The following IQSEC3 variants were observed in gnomAD, a reference collection of about 807,000 sequenced individuals.
IQSEC3 encodes IQ motif and Sec7 domain ArfGEF 3, also known as IQ motif and SEC7 domain-containing protein 3.
In IQSEC3, 50 loss-of-function variants were observed where a neutral mutation model predicts 105.4. That is an observed-to-expected ratio of 0.47 (90% CI 0.38 to 0.60). The LOEUF (loss-of-function observed/expected upper bound fraction) is 0.60, where lower values mean the gene tolerates loss of function less well. Ranked by LOEUF, IQSEC3 falls within the 20% of genes least tolerant of loss-of-function variation. The probability of loss-of-function intolerance (pLI) is 0.00; values close to 1 mark genes in which losing one functional copy is unlikely to be tolerated. For synonymous variants in IQSEC3, 708 were observed against 746.0 expected (o/e 0.95, Z 0.83); for missense variants, 1,415 against 1,630.0 (o/e 0.87, Z 2.27).
rs532553307 is a variant in IQSEC3 at position 112,567 on chromosome 12, G to A, written c.624-13066G>A. 2.0e-5 allele frequency among the ~76,000 whole-genome samples: 3 copies of A among 152,294 alleles called. No homozygotes were observed. In the East Asian group the frequency reaches 5.8e-4, roughly 29 times the overall value. ...AGCACCTGGGCTTCCAGAAGAAGCTGGTGCTTCCACCACACTGACCTAGAC... is the reference window on the plus strand; with the variant it reads ...AGCACCTGGGCTTCCAGAAGAAGCTAGTGCTTCCACCACACTGACCTAGAC... On this transcript the variant is annotated intron_variant, in intron 2 of 13. Coordinates refer to ENST00000538872, the MANE Select transcript of IQSEC3 (RefSeq NM_001170738.2).
intron 5 of IQSEC3, among the ~76,000 whole-genome samples, chr12:146,204 G>A (rs891629929): frequency 2.0e-5 from 3 of 152,214 alleles, no homozygotes; most frequent in Non-Finnish European, 4.4e-5. Flanking sequence ...GAAATCATTT[G>A]AGAATGTCCT....
intron 8 of IQSEC3, among the ~76,000 whole-genome samples, chr12:163,171 C>G (rs1866982725): frequency 1.4e-5 from 2 of 144,928 alleles, no homozygotes. Context: ...AACCGAACCC[C>G]TCCCCTCTCC....
At chr12:107,409 T>TTC (rs1555078210) in intron 2 of IQSEC3, among the ~76,000 whole-genome samples, 1 of 132,244 alleles carries the variant, frequency 7.6e-6, no homozygotes, top group African/African-American at 3.0e-5. Context: ...TTTCTTTTTT[T>TTC]TTTTTTTTTT....
At chr12:168,989 C>T in intron 11 of IQSEC3, 24 bp from the exon 12 acceptor site, 6 of 1,605,348 alleles carry the variant, frequency 3.7e-6, no homozygotes, top group Non-Finnish European at 5.1e-6. Context: ...GTTTCTCTTG[C>T]TCACGGGCCT....
At chr12:70,513 G>T (rs1304020965) in intron 1 of IQSEC3, among the ~76,000 whole-genome samples, 5 of 152,258 alleles carry the variant, frequency 3.3e-5, no homozygotes, top group African/African-American at 1.2e-4. Context: ...CACTGCTTTT[G>T]CCTCTTAATG....
intron 12 of IQSEC3, 145 bp downstream of exon 12, chr12:169,250 T>A: frequency 1.5e-6 from 1 of 650,608 alleles, no homozygotes; most frequent in Non-Finnish European, 2.7e-6. Flanking sequence ...TTGCCTTCTT[T>A]AATCTCATGA....
chr12:172,376 C>T (rs1261194233), intron 13 of IQSEC3, among the ~76,000 whole-genome samples: 1 of 152,106 alleles, frequency 6.6e-6, no homozygotes, highest in African/African-American at 2.4e-5. Flanking sequence ...TTGAGCCTTG[C>T]AGATAAGCAC....
intron 5 of IQSEC3, chr12:143,843 G>GTGTA: frequency 6.3e-6 from 1 of 158,662 alleles, no homozygotes; most frequent in Non-Finnish European, 1.4e-5. Context: ...GTGTGTGTGT[G>GTGTA]TGTGTGTGTG....
chr12:118,997 C>G (rs1303225077), intron 2 of IQSEC3, among the ~76,000 whole-genome samples: 1 of 152,228 alleles, frequency 6.6e-6, no homozygotes, highest in Non-Finnish European at 1.5e-5. Context: ...GTTGTACTTC[C>G]CACCGTGGTG....
In IQSEC3 at chr12:138,723, C is replaced by T. The variant is rs782189339; in HGVS notation, c.1360C>T (p.Arg454Trp). 15 of 1,499,708 alleles carry T rather than the reference C, an allele frequency of 1.0e-5. No homozygotes were observed. Among genetic ancestry groups the T allele is most frequent in the Non-Finnish European group, 1.2e-5 (14 of 1,130,204 alleles). 92.9% of individuals were successfully genotyped at this position (1,499,708 alleles called of 1,614,324 possible). ...AGPPGLEAEG[R>W]APESAGPGPG... ...GCCCCCAGGCCTGGAGGCCGAGGGGCGGGCGCCGGAGAGCGCGGGCCCCGG... is the reference window on the plus strand; with the variant it reads ...GCCCCCAGGCCTGGAGGCCGAGGGGTGGGCGCCGGAGAGCGCGGGCCCCGG... The change falls in exon 4 of 14, where the codon CGG becomes TGG. Residue 454 changes from arginine (R) to tryptophan (W), a missense_variant. Around this residue, in one of 6 missense-constraint regions of IQSEC3, gnomAD observed 720 missense variants for 633.0 expected, o/e 1.14. Transcript: ENST00000538872. The surrounding 1 kb of genome is among the most constrained non-coding windows in gnomAD (Gnocchi z 7.1).
intron 12 of IQSEC3, among the ~76,000 whole-genome samples, chr12:169,751 C>T (rs1423385381): frequency 1.3e-5 from 2 of 152,212 alleles, no homozygotes; most frequent in Non-Finnish European, 2.9e-5. Context: ...GAAAGGTTTC[C>T]ACCACCTCCC....
chr12:163,073 G>C (rs1338940018), intron 8 of IQSEC3, among the ~76,000 whole-genome samples: 1 of 151,998 alleles, frequency 6.6e-6, no homozygotes, highest in South Asian at 2.1e-4. Context: ...ACGTGCGAGG[G>C]AAAGAGCCTC....
chr12:167,268 T>C (rs943296456), intron 11 of IQSEC3: 2 of 152,210 alleles, frequency 1.3e-5, no homozygotes, highest in African/African-American at 4.8e-5. Context: ...ATTGTCTAAC[T>C]GTCCCAGATG....
chr12:126,014 C>A, intron 3 of IQSEC3, 102 bp downstream of exon 3: 1 of 1,179,764 alleles, frequency 8.5e-7, no homozygotes, highest in Non-Finnish European at 1.2e-6. Context: ...CCCTCCGCTA[C>A]AGGCACACCT....
At chr12:83,313 C>T (rs782704370) in intron 1 of IQSEC3, among the ~76,000 whole-genome samples, 1 of 152,150 alleles carries the variant, frequency 6.6e-6, no homozygotes, top group Non-Finnish European at 1.5e-5. Flanking sequence ...ACAAGTCGAA[C>T]AAAGCCCCTG....
At chr12:168,379 G>T (rs937117301) in intron 11 of IQSEC3, among the ~76,000 whole-genome samples, 5 of 151,942 alleles carry the variant, frequency 3.3e-5, no homozygotes, top group Non-Finnish European at 4.4e-5. Flanking sequence ...AGGCTCAGCT[G>T]GCCAGGCAGG....
intron 1 of IQSEC3, among the ~76,000 whole-genome samples, chr12:97,403 T>G (rs1197362445): frequency 6.6e-6 from 1 of 152,218 alleles, no homozygotes; most frequent in Non-Finnish European, 1.5e-5. Context: ...CAGTTCTCCA[T>G]TTTGTTTTTA....
intron 5 of IQSEC3, among the ~76,000 whole-genome samples, chr12:149,844 G>A (rs193152205): frequency 3.3e-5 from 5 of 152,156 alleles, no homozygotes; most frequent in Admixed American, 1.3e-4. Flanking sequence ...CAGGCTGCAG[G>A]GGGGGACCAT....
intron 13 of IQSEC3, among the ~76,000 whole-genome samples, chr12:174,027 C>T (rs768532239): frequency 1.1e-4 from 17 of 152,198 alleles, no homozygotes; most frequent in East Asian, 1.9e-4. Context: ...TGTTCTCGAA[C>T]GCAGGGTCAT....
Sources: gnomAD v4.1 joint callset for allele counts (sites outside exome capture counted in the v4.1 genomes callset) on GRCh38, gnomAD v4.1.1 for gene constraint, gnomAD v4.1.1 regional missense constraint, Gnocchi (gnomAD v3.1) non-coding constraint, MANE v1.5 for transcripts, NCBI Gene and HGNC (gene_info 2026-07-23, HGNC 2026-07-21) for gene names.